GPSM2: variants seen among roughly 807,000 people sequenced by gnomAD.
GPSM2 encodes G protein-signaling modulator 2.
A neutral mutation model predicts 78.4 loss-of-function variants in GPSM2; 58 were observed. The observed-to-expected ratio is 0.74, with a 90% confidence interval of 0.60 to 0.92. The LOEUF is 0.92. Among genes scored for constraint, GPSM2 ranks in the 40% least tolerant of loss-of-function variants. The probability of loss-of-function intolerance (pLI) is 0.00; values close to 1 mark genes in which losing one functional copy is unlikely to be tolerated. For missense variants in GPSM2, 700 were observed against 815.5 expected, an observed-to-expected ratio of 0.86 and a Z score of 1.73; for synonymous variants, 224 against 280.2, an observed-to-expected ratio of 0.80 and a Z score of 2.00.
At chr1:108,907,509 C>T (rs759403764) in intron 10 of GPSM2, among the ~76,000 whole-genome samples, 1 of 151,782 alleles carries the variant, frequency 6.6e-6, no homozygotes, top group Non-Finnish European at 1.5e-5. Context: ...AAAAAAATAA[C>T]AAAATTAGGT....
At chr1:108,878,779 C>T (rs1207912745) in intron 1 of GPSM2, among the ~76,000 whole-genome samples, 2 of 152,106 alleles carry the variant, frequency 1.3e-5, no homozygotes, top group Non-Finnish European at 2.9e-5. Flanking sequence ...TGTATCAGAG[C>T]CAGGTGCTGG....
intron 1 of GPSM2, among the ~76,000 whole-genome samples, chr1:108,879,772 G>A (rs891222990): frequency 2.6e-5 from 4 of 152,048 alleles, no homozygotes; most frequent in Admixed American, 6.6e-5. Context: ...CCGAGATCGC[G>A]CCACTGCACT....
intron 2 of GPSM2, among the ~76,000 whole-genome samples, chr1:108,887,769 A>G (rs140456780): frequency 6.7e-4 from 102 of 152,270 alleles, no homozygotes; most frequent in African/African-American, 2.4e-3. Context: ...GCCTACCCCC[A>G]TCCGTGTGTG....
intron 2 of GPSM2, among the ~76,000 whole-genome samples, chr1:108,892,938 A>C (rs1367884346): frequency 6.6e-6 from 1 of 152,238 alleles, no homozygotes; most frequent in African/African-American, 2.4e-5. Context: ...TCACTGGAAT[A>C]ACTTTTCTAA....
At chr1:108,900,857 A>T (rs1364930272) in intron 7 of GPSM2, among the ~76,000 whole-genome samples, 1 of 152,152 alleles carries the variant, frequency 6.6e-6, no homozygotes, top group Admixed American at 6.5e-5. Context: ...TTGTTTGCTT[A>T]AAAAAAGCTA....
chr1:108,892,539 T>C (rs964363102), intron 2 of GPSM2, among the ~76,000 whole-genome samples: 1 of 152,230 alleles, frequency 6.6e-6, no homozygotes, highest in Admixed American at 6.5e-5. Context: ...CATATTTTCT[T>C]TGATTATACA....
At chr1:108,927,565 G>T (rs1226378611) in intron 14 of GPSM2, among the ~76,000 whole-genome samples, 1 of 152,166 alleles carries the variant, frequency 6.6e-6, no homozygotes, top group Non-Finnish European at 1.5e-5. Flanking sequence ...TCAACAAATG[G>T]TTCTGGGTAA....
In GPSM2 at chr1:108,898,092, A is replaced by T; in HGVS notation, c.548A>T (p.Asp183Val). ...EVRDALQAAV[D>V]FYEENLSLVT... ...AGAGATGCTCTGCAGGCAGCCGTGGATTTTTATGAGTGAGTAGGGGCTGAT... is the reference window on the plus strand; with the variant it reads ...AGAGATGCTCTGCAGGCAGCCGTGGTTTTTTATGAGTGAGTAGGGGCTGAT... Residue 183 changes from aspartate (D) to valine (V), a missense_variant, in exon 5 of 15, where the codon GAT becomes GTT. Physicochemically the swap from Asp to Val is radical, Grantham distance 152 (BLOSUM62 -3). Transcript: ENST00000264126. 4.3e-6 allele frequency: 7 copies of T among 1,614,014 alleles called. No individual in the cohort carries two copies. The highest frequency in any genetic ancestry group is 5.9e-6 in the Non-Finnish European group (7 of 1,179,914).
intron 8 of GPSM2, among the ~76,000 whole-genome samples, chr1:108,902,768 C>T (rs1020716778): frequency 3.3e-5 from 5 of 152,174 alleles, no homozygotes; most frequent in Non-Finnish European, 7.3e-5. Context: ...CGTTCTCTCT[C>T]CCTGCTGCTC....
rs1649585406 is a variant in GPSM2 at position 108,909,943 on chromosome 1, G to A, written c.1193-4395G>A. ...AAAAAAAAAAGGAAAAAGGCTGAAA[G>A]CTTAATACCATCTAGCTTAAAAAGT... is the stretch of plus-strand genomic sequence containing the variant. On this transcript the variant is annotated intron_variant, in intron 10 of 14. Coordinates refer to ENST00000264126, the MANE Select transcript of GPSM2 (RefSeq NM_013296.5). 2.3e-5 allele frequency: 3 copies of A among 130,490 alleles called. No homozygotes were observed. The South Asian group carries it at 7.7e-4, about 33-fold the overall frequency. 8.1% of individuals were successfully genotyped at this position (130,490 alleles called of 1,614,324 possible).
intron 4 of GPSM2, 61 bp from the exon 5 acceptor site, chr1:108,897,896 AAT>A: frequency 2.6e-6 from 4 of 1,543,734 alleles, no homozygotes; most frequent in Non-Finnish European, 3.6e-6. Flanking sequence ...GGATATTACA[AAT>A]ATATATGATA....
chr1:108,879,771 C>T (rs920762712), intron 1 of GPSM2, among the ~76,000 whole-genome samples: 5 of 152,000 alleles, frequency 3.3e-5, no homozygotes, highest in Admixed American at 1.3e-4. Flanking sequence ...GCCGAGATCG[C>T]GCCACTGCAC....
intron 11 of GPSM2, among the ~76,000 whole-genome samples, chr1:108,917,397 C>A (rs1360200518): frequency 6.6e-6 from 1 of 151,020 alleles, no homozygotes; most frequent in African/African-American, 2.4e-5. Context: ...GAAACCCCGT[C>A]TCTACTAAAA....
chr1:108,930,640 G>C lies in GPSM2; in HGVS notation c.*700G>C, dbSNP rs1326634134. ...GCAGTGGCTCACACCTGTAATCCCAGCACTTTGGGAGGCCGAAGCGGGCGG... is the reference window on the plus strand; with the variant it reads ...GCAGTGGCTCACACCTGTAATCCCACCACTTTGGGAGGCCGAAGCGGGCGG... On this transcript the variant is annotated 3_prime_UTR_variant, in exon 15 of 15. Coordinates refer to ENST00000264126, the MANE Select transcript of GPSM2 (RefSeq NM_013296.5). 1.3e-5 allele frequency: 2 copies of C among 152,364 alleles called. No individual in the cohort carries two copies. Among genetic ancestry groups the C allele is most frequent in the African/African-American group, 4.8e-5 (2 of 41,376 alleles). 9.4% of individuals were successfully genotyped at this position (152,364 alleles called of 1,614,324 possible).
intron 9 of GPSM2, 86 bp from the exon 10 acceptor site, chr1:108,904,039 A>G: frequency 1.1e-6 from 1 of 870,482 alleles, no homozygotes; most frequent in Non-Finnish European, 1.9e-6. Context: ...ATTTTCTTCT[A>G]GTTTTAGGTT....
intron 10 of GPSM2, 44 bp from the exon 11 acceptor site, chr1:108,914,294 T>A (rs1480817826): frequency 7.6e-7 from 1 of 1,322,666 alleles, no homozygotes; most frequent in Admixed American, 1.7e-5. Context: ...CTTGTACTCT[T>A]AAGGGCTCCC....
chr1:108,881,656 C>T (rs1292161598), intron 1 of GPSM2, among the ~76,000 whole-genome samples: 1 of 152,140 alleles, frequency 6.6e-6, no homozygotes, highest in Non-Finnish European at 1.5e-5. Flanking sequence ...ATGTAAGAGG[C>T]ACTTTTAAAG....
intron 12 of GPSM2, among the ~76,000 whole-genome samples, chr1:108,921,699 T>C (rs1280810054): frequency 6.6e-6 from 1 of 152,156 alleles, no homozygotes; most frequent in African/African-American, 2.4e-5. Context: ...TTAACCAGTA[T>C]GAAACATCTC....
chr1:108,923,333 C>A (rs1242254968), intron 13 of GPSM2, among the ~76,000 whole-genome samples: 5 of 152,000 alleles, frequency 3.3e-5, no homozygotes. Flanking sequence ...TGTGCCCAGC[C>A]TAAATATAAC....
Sources: allele counts gnomAD v4.1 joint callset (sites outside exome capture counted in the v4.1 genomes callset), GRCh38; gene constraint gnomAD v4.1.1; transcripts MANE v1.5; gene names NCBI Gene and HGNC (gene_info 2026-07-23, HGNC 2026-07-21).